The following DLG2 variants were observed in gnomAD, a reference collection of about 807,000 sequenced individuals.
DLG2 encodes discs large MAGUK scaffold protein 2.
A neutral mutation model predicts 132.5 loss-of-function variants in DLG2; 45 were observed. The observed-to-expected ratio is 0.34, with a 90% CI of 0.27 to 0.44. The LOEUF is 0.44. Ranked by LOEUF, DLG2 falls within the 20% of genes least tolerant of loss-of-function variation. DLG2 has a pLI of 1.00. For synonymous variants in DLG2, 424 were observed against 419.6 expected (o/e 1.01, Z -0.13); for missense variants, 1,045 against 1,196.9 (o/e 0.87, Z 1.87).
intron 10 of DLG2, 123 bp downstream of exon 10, chr11:84,098,800 T>C: frequency 3.5e-6 from 4 of 1,129,362 alleles, no homozygotes; most frequent in Non-Finnish European, 5.0e-6. Flanking sequence ...TCAGGAAGCT[T>C]GCCTTAAAAA....
intron 15 of DLG2, among the ~76,000 whole-genome samples, chr11:83,907,130 G>A (rs999892199): frequency 2.0e-5 from 3 of 152,094 alleles, no homozygotes; most frequent in African/African-American, 7.2e-5. Flanking sequence ...CTTAATATGG[G>A]AGAAACAGCT....
chr11:83,619,881 A>C (rs2061372457), intron 19 of DLG2, among the ~76,000 whole-genome samples: 1 of 121,434 alleles, frequency 8.2e-6, no homozygotes, highest in Admixed American at 9.8e-5. Context: ...TCATTAACAG[A>C]AAAAGTAAGA....
chr11:83,658,466 CAAT>C (rs914371609), intron 18 of DLG2, among the ~76,000 whole-genome samples: 1 of 152,196 alleles, frequency 6.6e-6, no homozygotes, highest in Admixed American at 6.5e-5. Flanking sequence ...CACAGAATGA[CAAT>C]GATAATAAAC....
At chr11:83,715,480 A>C (rs1322293230) in intron 18 of DLG2, among the ~76,000 whole-genome samples, 1 of 152,234 alleles carries the variant, frequency 6.6e-6, no homozygotes, top group African/African-American at 2.4e-5. Context: ...GCAAGAGAGC[A>C]GCCAGCTGAG....
rs79582177 is a variant in DLG2 at position 85,406,378 on chromosome 11, G to T, written c.41-121013C>A. ...AGAATCTCAGAGTCAGCATTGTAGG[G>T]AAGTGGAGGAAATTCTGAAAGGAAT... On this transcript the variant is annotated intron_variant, in intron 3 of 27. Transcript: ENST00000376104. Among the ~76,000 whole-genome samples, 1,245 of 151,986 alleles carry T rather than the reference G, an allele frequency of 8.2e-3. 14 individuals carry two copies. Among genetic ancestry groups the T allele is most frequent in the African/African-American group, 0.028 (1,171 of 41,494 alleles).
intron 15 of DLG2, among the ~76,000 whole-genome samples, chr11:83,893,304 C>T (rs374220761): frequency 3.9e-5 from 6 of 152,202 alleles, no homozygotes; most frequent in African/African-American, 1.4e-4. Context: ...AAAGACTTTT[C>T]CATTGCAGTT....
intron 7 of DLG2, among the ~76,000 whole-genome samples, chr11:84,502,855 A>T (rs1377181122): frequency 6.6e-6 from 1 of 152,196 alleles, no homozygotes; most frequent in East Asian, 1.9e-4. Context: ...GAAAACAAAA[A>T]TCAAAACTAA....
At chr11:85,106,574 C>T (rs1230575125) in intron 6 of DLG2, among the ~76,000 whole-genome samples, 1 of 151,976 alleles carries the variant, frequency 6.6e-6, no homozygotes, top group Non-Finnish European at 1.5e-5. Flanking sequence ...GCACTCCCTT[C>T]TGGAATGACC....
At chr11:85,545,816 CT>C (rs941898174) in intron 3 of DLG2, among the ~76,000 whole-genome samples, 2 of 152,190 alleles carry the variant, frequency 1.3e-5, no homozygotes, top group Non-Finnish European at 2.9e-5. Context: ...GTTTGTATTT[CT>C]GTGGGATTAG....
intron 7 of DLG2, among the ~76,000 whole-genome samples, chr11:84,459,747 C>T (rs1375725351): frequency 6.6e-6 from 1 of 150,384 alleles, no homozygotes; most frequent in Non-Finnish European, 1.5e-5. Flanking sequence ...TTATATTTTC[C>T]ATTTTTTGAA....
intron 6 of DLG2, among the ~76,000 whole-genome samples, chr11:84,671,326 C>A (rs900027758): frequency 7.9e-5 from 12 of 152,012 alleles, no homozygotes; most frequent in Non-Finnish European, 1.0e-4. Flanking sequence ...CAGTCTTGAA[C>A]TCCTGGGCTC....
At chr11:85,416,141 T>A (rs1463278161) in intron 3 of DLG2, among the ~76,000 whole-genome samples, 2 of 152,206 alleles carry the variant, frequency 1.3e-5, no homozygotes, top group East Asian at 3.8e-4. Context: ...CCTTTCCCCA[T>A]TGGTTGCTTT....
chr11:83,884,628 G>C lies in DLG2; in HGVS notation c.1497-10140C>G, dbSNP rs528993429. Among the ~76,000 whole-genome samples, 3 of 152,246 alleles carry C rather than the reference G, an allele frequency of 2.0e-5. No individual in the cohort carries two copies. The East Asian group carries it at 5.8e-4, about 29-fold the overall frequency. On this transcript the variant is annotated intron_variant, in intron 15 of 27. Transcript: ENST00000376104. ...AGGATGCAGCTGGAGATCTGAGGAC[G>C]GGCAGACTGCCTCCTCAAGTGGGTC...
intron 3 of DLG2, among the ~76,000 whole-genome samples, chr11:85,509,644 T>C (rs924094266): frequency 1.3e-5 from 2 of 150,038 alleles, no homozygotes; most frequent in Non-Finnish European, 3.0e-5. Context: ...TGCAGACCTA[T>C]TATTATTTTT....
In DLG2 at chr11:83,768,615, A is replaced by C. The variant is rs567943136; in HGVS notation, c.1825+18075T>G. Among the ~76,000 whole-genome samples, 8 of 152,364 alleles carry C rather than the reference A, an allele frequency of 5.3e-5. No individual in the cohort carries two copies. In the South Asian group the frequency reaches 1.7e-3, roughly 32 times the overall value. On this transcript the variant is annotated intron_variant, in intron 18 of 27. Coordinates refer to ENST00000376104, the MANE Select transcript of DLG2 (RefSeq NM_001142699.3). ...ATATTTTATTAAGCAACAACTTGCC[A>C]GATTTAAGAAAAGTGCTCTCTTAGA...
Position 85,583,088 on chromosome 11 carries a change from ATGTGTGTGTGTGTGTGTG to A in DLG2, c.40+15551_40+15568del, listed in dbSNP as rs3068389. On this transcript the variant is annotated intron_variant, in intron 3 of 27. Transcript: ENST00000376104. ...TATATATATATATATAATATATGTG[ATGTGTGTGTGTGTGTGTG>A]TGTGTGTGTGTGTGTGTGTGTGTGT... is the stretch of plus-strand genomic sequence containing the variant. Among the ~76,000 whole-genome samples, 133 of 29,840 alleles carry A rather than the reference ATGTGTGTGTGTGTGTGTG, an allele frequency of 4.5e-3. 2 individuals are homozygous for A. The highest frequency in any genetic ancestry group is 0.017 in the African/African-American group (133 of 7,738). 19.6% of individuals were successfully genotyped at this position (29,840 alleles called of 152,430 possible). A position where few individuals can be genotyped will look rare whatever the true frequency, so the allele number is the denominator to read the frequency against.
chr11:85,559,692 T>C (rs187970711), intron 3 of DLG2, among the ~76,000 whole-genome samples: 6 of 151,674 alleles, frequency 4.0e-5, no homozygotes, highest in Non-Finnish European at 8.9e-5. Context: ...GTAAATACCA[T>C]GTAAAAAAAA....
At chr11:84,688,639 C>T (rs1237827048) in intron 6 of DLG2, among the ~76,000 whole-genome samples, 4 of 152,164 alleles carry the variant, frequency 2.6e-5, no homozygotes, top group Non-Finnish European at 5.9e-5. Flanking sequence ...GGGGAAGTGT[C>T]AAGGTGTATA....
At chr11:84,202,873 C>T (rs777585033) in intron 8 of DLG2, among the ~76,000 whole-genome samples, 1 of 152,062 alleles carries the variant, frequency 6.6e-6, no homozygotes, top group Non-Finnish European at 1.5e-5. Flanking sequence ...AGCTCAACAT[C>T]GCCAATTATT....
Sources: gnomAD v4.1 joint callset for allele counts (sites outside exome capture counted in the v4.1 genomes callset) on GRCh38, gnomAD v4.1.1 for gene constraint, MANE v1.5 for transcripts, NCBI Gene and HGNC (gene_info 2026-07-23, HGNC 2026-07-21) for gene names.